The following CFAP52 variants were observed in gnomAD, a reference collection of about 807,000 sequenced individuals.
CFAP52 encodes the protein cilia and flagella associated protein 52.
CFAP52 carries 57 observed loss-of-function variants against 70.5 expected under a neutral mutation model. The ratio of observed to expected loss-of-function variants is 0.81; its 90% CI spans 0.65 to 1.01. The LOEUF is 1.01. Among genes scored for constraint, CFAP52 ranks in the 50% least tolerant of loss-of-function variants. CFAP52 has a pLI of 0.00. For missense variants in CFAP52, 785 were observed against 788.5 expected, an observed-to-expected ratio of 1.00 and a Z score of 0.05; for synonymous variants, 267 against 292.5, an observed-to-expected ratio of 0.91 and a Z score of 0.89.
chr17:9,594,288 G>T lies in CFAP52; in HGVS notation c.503G>T (p.Arg168Met), dbSNP rs756591205. The T allele has an allele frequency of 3.1e-6, 5 of 1,613,970 alleles. No homozygotes were observed. Among genetic ancestry groups the T allele is most frequent in the Non-Finnish European group, 4.2e-6 (5 of 1,179,986 alleles). Reference protein sequence around the residue: ...VGNATNVIFSRCRDEMFMTAG... With the variant: ...VGNATNVIFSMCRDEMFMTAG... ...AATGCCACCAATGTGATCTTCTCCAGGTGCCGGGATGAGATGTTTATGACT... is the reference window on the plus strand; with the variant it reads ...AATGCCACCAATGTGATCTTCTCCATGTGCCGGGATGAGATGTTTATGACT... Residue 168 changes from arginine to methionine, a missense_variant, in exon 4 of 14, where the codon AGG (arginine) becomes ATG (methionine). By Grantham distance (91) the Arg-to-Met change is moderately conservative. Coordinates refer to ENST00000352665, the MANE Select transcript of CFAP52 (RefSeq NM_145054.5).
At chr17:9,639,668 A>C (rs903849492) in intron 12 of CFAP52, among the ~76,000 whole-genome samples, 1 of 152,126 alleles carries the variant, frequency 6.6e-6, no homozygotes, top group Admixed American at 6.5e-5. Flanking sequence ...AGATGGTGAA[A>C]GGACTGAGAA....
intron 3 of CFAP52, among the ~76,000 whole-genome samples, chr17:9,592,836 T>C (rs1457001624): frequency 6.6e-6 from 1 of 152,210 alleles, no homozygotes; most frequent in Non-Finnish European, 1.5e-5. Context: ...TGTACAAGAT[T>C]TTGTGTGGAC....
chr17:9,577,463 G>A (rs996687257), intron 1 of CFAP52, among the ~76,000 whole-genome samples: 5 of 152,180 alleles, frequency 3.3e-5, no homozygotes, highest in African/African-American at 9.7e-5. Context: ...TTTATTGTTC[G>A]TTTTGAGGGG....
downstream of CFAP52, chr17:9,644,579 TAA>T (rs144607929): frequency 0.099 from 9,114 of 92,116 alleles, 478 homozygotes; most frequent in African/African-American, 0.24. Context: ...TTGCATGGGA[TAA>T]AGTGAGGGGT....
At chr17:9,618,752 TG>T (rs1909978798) in intron 8 of CFAP52, among the ~76,000 whole-genome samples, 1 of 92,920 alleles carries the variant, frequency 1.1e-5, no homozygotes, top group South Asian at 4.9e-4. Flanking sequence ...GAACGACTAC[TG>T]GGTACATAAC....
chr17:9,594,680 T>C (rs961728242), intron 4 of CFAP52, among the ~76,000 whole-genome samples: 2 of 152,182 alleles, frequency 1.3e-5, no homozygotes, highest in Non-Finnish European at 2.9e-5. Flanking sequence ...TGGGGTCTCA[T>C]GATCTGATAG....
chr17:9,610,507 A>G (rs930818601), intron 7 of CFAP52, among the ~76,000 whole-genome samples: 1 of 151,466 alleles, frequency 6.6e-6, no homozygotes, highest in African/African-American at 2.4e-5. Flanking sequence ...GGACAGCTCC[A>G]GTGCCAAGAT....
In CFAP52 at chr17:9,587,119, AT is replaced by A. The variant is rs201492544; in HGVS notation, c.407+288del. Among the ~76,000 whole-genome samples, 34 of 152,206 alleles carry A rather than the reference AT, an allele frequency of 2.2e-4. No homozygotes were observed. In the East Asian group the frequency reaches 6.4e-3, roughly 28 times the overall value. On this transcript the variant is annotated intron_variant, in intron 3 of 13. Transcript: ENST00000352665. ...CCACTTATAAGTAAGAACCTGTGGTATTTGGTTTTCTACTCCTGCATTAGGT... is the reference window on the plus strand; with the variant it reads ...CCACTTATAAGTAAGAACCTGTGGTATTGGTTTTCTACTCCTGCATTAGGT...
chr17:9,587,220 T>C (rs1597764996), intron 3 of CFAP52, among the ~76,000 whole-genome samples: 1 of 152,250 alleles, frequency 6.6e-6, no homozygotes, highest in African/African-American at 2.4e-5. Context: ...TATGGCTGCG[T>C]AGTAGTCCAT....
At position 9,576,658 on chromosome 17, in the gene CFAP52, A is replaced by T. The variant is rs778270536; in HGVS notation, c.-38A>T. On this transcript the variant is annotated 5_prime_UTR_variant, in exon 1 of 14. Coordinates refer to ENST00000352665, the MANE Select transcript of CFAP52 (RefSeq NM_145054.5). ...ATAACGACCAGAAGACGCTGCAGCCACTAGGGAGGAGAGCAAAGTAATCAG... is the reference window on the plus strand; with the variant it reads ...ATAACGACCAGAAGACGCTGCAGCCTCTAGGGAGGAGAGCAAAGTAATCAG... The T allele has an allele frequency of 7.4e-5, 116 of 1,571,732 alleles. No individual in the cohort carries two copies. Among genetic ancestry groups the T allele is most frequent in the Non-Finnish European group, 8.7e-6 (10 of 1,152,644 alleles).
At chr17:9,630,301 A>G (rs1045092092) in intron 9 of CFAP52, among the ~76,000 whole-genome samples, 2 of 150,596 alleles carry the variant, frequency 1.3e-5, no homozygotes, top group Non-Finnish European at 3.0e-5. Context: ...AGTCAGGGCC[A>G]GGCGCGGTGG....
Position 9,643,111 on chromosome 17 carries a change from C to T in CFAP52, c.1776C>T (p.Arg592=). Reference sequence around the variant, plus strand: ...TGGGACACAGTGGCAACATCACACGCATCCGCATAAGTCCAGGAAATCAAT... The same window carrying T: ...TGGGACACAGTGGCAACATCACACGTATCCGCATAAGTCCAGGAAATCAAT... ...VGVGHSGNIT[R]IRISPGNQYI... is the part of the protein sequence containing the mutation. The change falls in exon 14 of 14, where the codon CGC becomes CGT. Residue 592 remains arginine (R), a synonymous_variant. Transcript: ENST00000352665. The T allele has an allele frequency of 6.2e-7, 1 of 1,613,818 alleles. No homozygotes were observed. Among genetic ancestry groups the T allele is most frequent in the Non-Finnish European group, 8.5e-7 (1 of 1,179,878 alleles).
intron 3 of CFAP52, among the ~76,000 whole-genome samples, chr17:9,588,700 T>C (rs936162670): frequency 2.6e-5 from 4 of 152,118 alleles, no homozygotes; most frequent in African/African-American, 7.2e-5. Context: ...TGTGGGTTTG[T>C]CATATAGGGT....
intron 2 of CFAP52, 69 bp from the exon 3 acceptor site, chr17:9,586,629 G>T: frequency 1.4e-6 from 2 of 1,448,988 alleles, no homozygotes; most frequent in Non-Finnish European, 1.8e-6. Context: ...TTTTCACCAA[G>T]AAGGGTAGCT....
chr17:9,611,779 C>G (rs557883312), intron 7 of CFAP52, among the ~76,000 whole-genome samples: 14 of 152,158 alleles, frequency 9.2e-5, no homozygotes, highest in Admixed American at 4.6e-4. Flanking sequence ...AACATATACA[C>G]GTACTACATA....
At chr17:9,613,612 G>A (rs988563429) in intron 8 of CFAP52, among the ~76,000 whole-genome samples, 1 of 151,984 alleles carries the variant, frequency 6.6e-6, no homozygotes, top group Admixed American at 6.6e-5. Flanking sequence ...CTGCCTCCTC[G>A]ATTCAAGCGA....
chr17:9,629,173 C>T (rs983190044), intron 9 of CFAP52, among the ~76,000 whole-genome samples: 1 of 152,152 alleles, frequency 6.6e-6, no homozygotes, highest in African/African-American at 2.4e-5. Context: ...CTGACTCAAA[C>T]GAAGTGATGT....
rs903438492 is a variant in CFAP52 at position 9,621,833 on chromosome 17, A to G, written c.1026-6839A>G. ...ATCACATGGACACAGGAAGGGGAAT[A>G]TCACACTCTGGGGACTGTGGTGGGG... On this transcript the variant is annotated intron_variant, in intron 8 of 13. Coordinates refer to ENST00000352665, the MANE Select transcript of CFAP52 (RefSeq NM_145054.5). Among the ~76,000 whole-genome samples, 9 of 135,418 alleles carry G rather than the reference A, an allele frequency of 6.6e-5. No homozygotes were observed. In the Admixed American group the frequency reaches 7.0e-4, roughly 10 times the overall value. The allele number at this position is 135,418 out of a possible 152,430, so 88.8% of individuals were successfully genotyped here.
chr17:9,640,044 G>A (rs1003260771), intron 12 of CFAP52, among the ~76,000 whole-genome samples: 19 of 152,058 alleles, frequency 1.2e-4, no homozygotes, highest in African/African-American at 4.6e-4. Context: ...AGCATCAACA[G>A]ACATTACAAA....
Sources: allele counts gnomAD v4.1 joint callset (sites outside exome capture counted in the v4.1 genomes callset), GRCh38; gene constraint gnomAD v4.1.1; transcripts MANE v1.5; gene names NCBI Gene and HGNC (gene_info 2026-07-23, HGNC 2026-07-21).